Variants in GBE1 observed in about 807,000 individuals in gnomAD.
GBE1 encodes 1,4-alpha-glucan-branching enzyme.
In GBE1, 70 loss-of-function variants were observed where a neutral mutation model predicts 88.8. The observed-to-expected ratio is 0.79, with a 90% confidence interval of 0.65 to 0.96. The LOEUF is 0.96. Ranked by LOEUF, GBE1 falls within the 40% of genes least tolerant of loss-of-function variation. The probability of loss-of-function intolerance (pLI) is 0.00; values close to 1 mark genes in which losing one functional copy is unlikely to be tolerated. For synonymous variants in GBE1, 284 were observed against 300.1 expected (o/e 0.95, Z 0.56); for missense variants, 872 against 871.0 (o/e 1.00, Z -0.01).
intron 12 of GBE1, among the ~76,000 whole-genome samples, chr3:81,564,535 A>T (rs1045752610): frequency 6.6e-6 from 1 of 152,174 alleles, no homozygotes; most frequent in Non-Finnish European, 1.5e-5. Context: ...GAATATTAGT[A>T]TAATCTTTTT....
intron 12 of GBE1, among the ~76,000 whole-genome samples, chr3:81,544,663 T>G (rs1576141829): frequency 1.3e-5 from 2 of 152,202 alleles, no homozygotes; most frequent in South Asian, 4.1e-4. Context: ...TTCTCTCTAG[T>G]TCCATTTCCT....
intron 1 of GBE1, among the ~76,000 whole-genome samples, chr3:81,747,135 T>A (rs1706428762): frequency 6.6e-6 from 1 of 151,532 alleles, no homozygotes; most frequent in Non-Finnish European, 1.5e-5. Flanking sequence ...AACAAAACTT[T>A]TAGAAAAAAA....
intron 6 of GBE1, among the ~76,000 whole-genome samples, chr3:81,643,728 G>A (rs1470133531): frequency 6.6e-6 from 1 of 152,064 alleles, no homozygotes; most frequent in Non-Finnish European, 1.5e-5. Context: ...TGAGGGCAGC[G>A]GCTGTTACTA....
intron 7 of GBE1, among the ~76,000 whole-genome samples, chr3:81,632,025 T>A (rs970692575): frequency 1.3e-5 from 2 of 152,254 alleles, no homozygotes; most frequent in South Asian, 4.1e-4. Context: ...GTTCTCATTG[T>A]TTGACTCCGA....
intron 2 of GBE1, among the ~76,000 whole-genome samples, chr3:81,684,820 T>C (rs1705409199): frequency 2.0e-5 from 3 of 152,160 alleles, no homozygotes; most frequent in African/African-American, 4.8e-5. Flanking sequence ...CATGTCAATA[T>C]AGCAGCTACA....
intron 12 of GBE1, among the ~76,000 whole-genome samples, chr3:81,572,041 A>G (rs1703583529): frequency 1.3e-5 from 2 of 152,168 alleles, no homozygotes; most frequent in African/African-American, 4.8e-5. Context: ...TGGAGATAAC[A>G]GAATCATGGG....
In GBE1 at chr3:81,628,958, T is replaced by C. The variant is rs913277845; in HGVS notation, c.992+13823A>G. Among the ~76,000 whole-genome samples, 18 of 149,744 alleles carry C rather than the reference T, an allele frequency of 1.2e-4. No individual in the cohort carries two copies. The East Asian group carries it at 2.9e-3, about 24-fold the overall frequency. ...CTGGCTGACAAATTGGTGATTTTAC[T>C]GGTAGTTGTATAAAACAATTCTTGG... On this transcript the variant is annotated intron_variant, in intron 7 of 15. Coordinates refer to ENST00000429644, the MANE Select transcript of GBE1 (RefSeq NM_000158.4).
At chr3:81,594,114 G>A (rs920789687) in intron 7 of GBE1, 91 bp from the exon 8 acceptor site, 34 of 567,304 alleles carry the variant, frequency 6.0e-5, no homozygotes, top group Non-Finnish European at 9.1e-5. Flanking sequence ...AAAATTATAG[G>A]GCTCTATCTC....
intron 12 of GBE1, among the ~76,000 whole-genome samples, chr3:81,570,110 T>C (rs746051938): frequency 6.6e-6 from 1 of 152,168 alleles, no homozygotes; most frequent in African/African-American, 2.4e-5. Context: ...ATGACTGGCC[T>C]GCTTACTTAT....
chr3:81,691,288 A>G (rs886316546), intron 2 of GBE1, among the ~76,000 whole-genome samples: 1 of 152,218 alleles, frequency 6.6e-6, no homozygotes, highest in African/African-American at 2.4e-5. Context: ...TCACCCTGTG[A>G]AGAGGAAGAA....
At chr3:81,572,087 T>G (rs771487165) in intron 12 of GBE1, among the ~76,000 whole-genome samples, 1 of 152,108 alleles carries the variant, frequency 6.6e-6, no homozygotes, top group Non-Finnish European at 1.5e-5. Context: ...TGATAGTGAG[T>G]TCTCACAAGA....
chr3:81,667,165 C>T (rs1705123369), intron 3 of GBE1, among the ~76,000 whole-genome samples: 1 of 152,156 alleles, frequency 6.6e-6, no homozygotes, highest in Non-Finnish European at 1.5e-5. Flanking sequence ...CTTCACATCC[C>T]TTGTTAACTG....
chr3:81,681,568 C>A (rs1248510353), intron 2 of GBE1, among the ~76,000 whole-genome samples: 2 of 152,054 alleles, frequency 1.3e-5, no homozygotes, highest in Admixed American at 6.6e-5. Flanking sequence ...TGAAAATATA[C>A]CAATAAAGTT....
intron 12 of GBE1, among the ~76,000 whole-genome samples, chr3:81,548,984 C>A (rs1199067056): frequency 6.7e-6 from 1 of 149,152 alleles, no homozygotes; most frequent in East Asian, 1.9e-4. Context: ...ATATTTGTTT[C>A]TCTCTACCTA....
chr3:81,725,466 T>G (rs994877376), intron 1 of GBE1, among the ~76,000 whole-genome samples: 3 of 152,180 alleles, frequency 2.0e-5, no homozygotes, highest in African/African-American at 7.2e-5. Context: ...TAACAATGCC[T>G]TCTTCTGGAA....
chr3:81,726,049 G>A (rs1483350092), intron 1 of GBE1, among the ~76,000 whole-genome samples: 1 of 150,528 alleles, frequency 6.6e-6, no homozygotes, highest in African/African-American at 2.5e-5. Context: ...TAATCAATAG[G>A]CCTTTTTTTT....
At position 81,761,485 on chromosome 3, in the gene GBE1, G is replaced by A; in HGVS notation, c.33C>T (p.Pro11=). The change falls in exon 1 of 16, where the codon CCC becomes CCT. Residue 11 remains proline, a synonymous_variant. Coordinates refer to ENST00000429644, the MANE Select transcript of GBE1 (RefSeq NM_000158.4). ...CATTGAGCGCCGCCTCGTAGTCCTC[G>A]GGCCGAGCCGCGGGAGTCATCGGAG... MAAPMTPAAR[P]EDYEAALNAA... is the part of the protein sequence containing the mutation. 6.2e-7 allele frequency: 1 copy of A among 1,611,364 alleles called. No individual in the cohort carries two copies. Among genetic ancestry groups the A allele is most frequent in the Non-Finnish European group, 8.5e-7 (1 of 1,179,134 alleles).
intron 14 of GBE1, among the ~76,000 whole-genome samples, chr3:81,530,343 T>C (rs182199281): frequency 7.9e-5 from 12 of 151,896 alleles, no homozygotes; most frequent in Non-Finnish European, 1.5e-5. Context: ...ATTTATTTAG[T>C]TTGTTTGGTG....
At chr3:81,574,204 A>T (rs546435056) in intron 12 of GBE1, among the ~76,000 whole-genome samples, 1 of 152,332 alleles carries the variant, frequency 6.6e-6, no homozygotes, top group South Asian at 2.1e-4. Flanking sequence ...ATGTACTATC[A>T]GACAACATTC....
Sources: gnomAD v4.1 joint callset for allele counts (sites outside exome capture counted in the v4.1 genomes callset) on GRCh38, gnomAD v4.1.1 for gene constraint, MANE v1.5 for transcripts, NCBI Gene and HGNC (gene_info 2026-07-23, HGNC 2026-07-21) for gene names.